Variants in STARD3 observed in about 807,000 individuals in gnomAD.
STARD3 encodes StAR related lipid transfer domain containing 3, also known as stAR-related lipid transfer protein 3.
Under a neutral mutation model 62.0 loss-of-function variants are expected in STARD3, and 39 were observed. The ratio of observed to expected loss-of-function variants is 0.63; its 90% CI spans 0.49 to 0.82. The LOEUF (loss-of-function observed/expected upper bound fraction) is 0.82, where lower values mean the gene tolerates loss of function less well. STARD3 is among the 40% of genes least tolerant of loss of function. The pLI is 0.00. For synonymous variants in STARD3, 229 were observed against 242.4 expected (o/e 0.94, Z 0.51); for missense variants, 543 against 584.5 (o/e 0.93, Z 0.73).
chr17:39,639,789 G>A (rs1380184771), intron 1 of STARD3, among the ~76,000 whole-genome samples: 2 of 152,184 alleles, frequency 1.3e-5, no homozygotes, highest in African/African-American at 4.8e-5. Flanking sequence ...CTTTGGGCTG[G>A]GCCTTCTTTG....
chr17:39,659,340 ACAT>A (rs2057168619), intron 8 of STARD3, 118 bp from the exon 9 acceptor site: 2 of 1,080,354 alleles, frequency 1.9e-6, no homozygotes, highest in Non-Finnish European at 2.7e-6. Flanking sequence ...CCCAGATCCC[ACAT>A]GTGGCTGGGC....
chr17:39,660,138 T>A lies in STARD3; in HGVS notation c.796-73T>A, dbSNP rs1415808934. On this transcript the variant is annotated intron_variant, in intron 9 of 14. Transcript: ENST00000336308. This position sits in a 1 kb window ranked among gnomAD's most constrained non-coding sequence, Gnocchi z 4.8. ...AGCTGTTAAAAACCTGCCCTGCCTG[T>A]CACCCATTTCTGTGCCACCAGCCCA... The A allele has an allele frequency of 1.3e-6, 2 of 1,516,764 alleles. No homozygotes were observed. The highest frequency in any genetic ancestry group is 1.8e-6 in the Non-Finnish European group (2 of 1,092,152). 94.0% of individuals were successfully genotyped at this position (1,516,764 alleles called of 1,614,324 possible). A position where few individuals can be genotyped will look rare whatever the true frequency, so the allele number is the denominator to read the frequency against.
In STARD3 at chr17:39,653,595, C is replaced by T. The variant is rs371019835; in HGVS notation, c.64C>T (p.Leu22=). 3.1e-6 allele frequency: 5 copies of T among 1,612,020 alleles called. No homozygotes were observed. The highest frequency in any genetic ancestry group is 3.3e-5 in the Admixed American group (2 of 60,024). ...GCGCAGCCTGCCTGCCGTGGCCTCC[C>T]TGGGCTCCTCACTGTCCCACAGCCA... ...LERSLPAVAS[L]GSSLSHSQSL... Residue 22 remains leucine, a synonymous_variant, in exon 2 of 15, where the codon CTG becomes TTG. Coordinates refer to ENST00000336308, the MANE Select transcript of STARD3 (RefSeq NM_006804.4).
In STARD3 at chr17:39,660,300, A is replaced by G; in HGVS notation, c.858+27A>G. 3 of 1,613,678 alleles carry G rather than the reference A, an allele frequency of 1.9e-6. No homozygotes were observed. The highest frequency in any genetic ancestry group is 2.5e-6 in the Non-Finnish European group (3 of 1,179,930). ...TGAGTGAGGGGAGCGGGTGTCCTGG[A>G]GCCCCAGACAGCACAGGAGGCTCCA... is the stretch of plus-strand genomic sequence containing the variant. On this transcript the variant is annotated intron_variant, in intron 10 of 14. Coordinates refer to ENST00000336308, the MANE Select transcript of STARD3 (RefSeq NM_006804.4). The surrounding 1 kb of genome is among the most constrained non-coding windows in gnomAD (Gnocchi z 4.8).
intron 1 of STARD3, among the ~76,000 whole-genome samples, chr17:39,647,594 C>G (rs998927257): frequency 6.6e-6 from 1 of 152,132 alleles, no homozygotes; most frequent in Non-Finnish European, 1.5e-5. Context: ...AGTTCCACGC[C>G]ACGGTGGGTT....
intron 1 of STARD3, among the ~76,000 whole-genome samples, chr17:39,648,209 C>A (rs1367196295): frequency 6.6e-6 from 1 of 152,208 alleles, no homozygotes; most frequent in Non-Finnish European, 1.5e-5. Context: ...ATCGCTTGAA[C>A]CCAGGAGGCG....
At chr17:39,658,662 G>A (rs1236782596) in intron 6 of STARD3, 60 bp from the exon 7 acceptor site, 3 of 1,597,194 alleles carry the variant, frequency 1.9e-6, no homozygotes, top group Non-Finnish European at 8.6e-7. Context: ...CTTGGGTGGG[G>A]GTACCCCAGG....
chr17:39,647,368 T>G (rs1011524335), intron 1 of STARD3, among the ~76,000 whole-genome samples: 4 of 152,180 alleles, frequency 2.6e-5, no homozygotes, highest in Admixed American at 2.6e-4. Context: ...CTGAAGGTGC[T>G]TGGGAGAGGC....
intron 4 of STARD3, 21 bp from the exon 5 acceptor site, chr17:39,657,952 C>T: frequency 6.3e-7 from 1 of 1,599,920 alleles, no homozygotes; most frequent in Non-Finnish European, 8.5e-7. Flanking sequence ...CTTCCCCTTC[C>T]TCCCTCCCTC....
At position 39,659,029 on chromosome 17, in the gene STARD3, C is replaced by T. The variant is rs766933456; in HGVS notation, c.647-22C>T. On this transcript the variant is annotated intron_variant, in intron 7 of 14. Transcript: ENST00000336308. Reference sequence around the variant, plus strand: ...CTCTCTCCCCACCCCTTGCCATTGTCATCTGTGCCTGTTTTCTGCAGGGTC... The same window carrying T: ...CTCTCTCCCCACCCCTTGCCATTGTTATCTGTGCCTGTTTTCTGCAGGGTC... 3.1e-6 allele frequency: 5 copies of T among 1,614,120 alleles called. No homozygotes were observed. The South Asian group carries it at 5.5e-5, about 18-fold the overall frequency.
rs373899196 is a variant in STARD3 at position 39,654,967 on chromosome 17, G to A, written c.219+1217G>A. On this transcript the variant is annotated intron_variant, in intron 2 of 14. Coordinates refer to ENST00000336308, the MANE Select transcript of STARD3 (RefSeq NM_006804.4). ...GATGAGCTGGCACCTTCAGTGAGCT[G>A]GAGCCATGGCCATGGATGGCCCTAG... 1.1e-4 allele frequency among the ~76,000 whole-genome samples: 17 copies of A among 152,356 alleles called. No individual in the cohort carries two copies. The East Asian group carries it at 3.3e-3, about 29-fold the overall frequency.
Position 39,660,796 on chromosome 17 carries a change from T to C in STARD3, c.955-14T>C, listed in dbSNP as rs770699660. 8 of 1,567,436 alleles carry C rather than the reference T, an allele frequency of 5.1e-6. No homozygotes were observed. The highest frequency in any genetic ancestry group is 6.9e-6 in the Non-Finnish European group (8 of 1,157,048). On this transcript the variant is annotated splice_polypyrimidine_tract_variant and intron_variant, in intron 11 of 14. Transcript: ENST00000336308. This position sits in a 1 kb window ranked among gnomAD's most constrained non-coding sequence, Gnocchi z 4.8. ...GGGCGACCTGTTCCAAAAGTCTCCG[T>C]TGACGGCCCTCAGATCCTGCAGCGA...
intron 2 of STARD3, among the ~76,000 whole-genome samples, chr17:39,656,594 A>C (rs2145001835): frequency 1.3e-5 from 2 of 150,704 alleles, no homozygotes; most frequent in South Asian, 2.1e-4. Flanking sequence ...CCCACCCCCC[A>C]TCAGCCCAGA....
In STARD3 at chr17:39,658,715, C is replaced by T. The variant is rs199639908; in HGVS notation, c.548-7C>T. The T allele has an allele frequency of 5.6e-6, 9 of 1,613,896 alleles. No individual in the cohort carries two copies. Among genetic ancestry groups the T allele is most frequent in the Non-Finnish European group, 7.6e-6 (9 of 1,179,982 alleles). On this transcript the variant is annotated splice_polypyrimidine_tract_variant and splice_region_variant and intron_variant, in intron 6 of 14. Coordinates refer to ENST00000336308, the MANE Select transcript of STARD3 (RefSeq NM_006804.4). The stretch of plus-strand genomic sequence containing the variant: ...TCCTCGGTCCGGGACCGAGTCTGCT[C>T]CTCCAGGGTATCTTGCCGCCCAGGT...
chr17:39,654,069 G>C (rs1056187042), intron 2 of STARD3, among the ~76,000 whole-genome samples: 3 of 152,216 alleles, frequency 2.0e-5, no homozygotes, highest in Admixed American at 1.3e-4. Flanking sequence ...GAGAGGAGGA[G>C]GGGGAGACCC....
At chr17:39,648,060 C>T (rs992464232) in intron 1 of STARD3, among the ~76,000 whole-genome samples, 4 of 151,636 alleles carry the variant, frequency 2.6e-5, no homozygotes, top group African/African-American at 4.9e-5. Context: ...CTGAGGCGGG[C>T]GGATCACGAG....
intron 1 of STARD3, among the ~76,000 whole-genome samples, chr17:39,646,928 G>A (rs768280132): frequency 1.3e-4 from 19 of 151,944 alleles, no homozygotes; most frequent in Non-Finnish European, 1.9e-4. Context: ...TTTGCCCGGC[G>A]TGGTGGCTCA....
chr17:39,654,067 GA>G (rs1443635951), intron 2 of STARD3, among the ~76,000 whole-genome samples: 1 of 152,216 alleles, frequency 6.6e-6, no homozygotes, highest in African/African-American at 2.4e-5. Flanking sequence ...GAGAGAGGAG[GA>G]GGGGGAGACC....
In STARD3 at chr17:39,644,672, C is replaced by CAAA. The variant is rs3029516; in HGVS notation, c.-52+7455_-52+7457dup. 8.8e-3 allele frequency among the ~76,000 whole-genome samples: 989 copies of CAAA among 112,448 alleles called. 14 individuals are homozygous for CAAA. The highest frequency in any genetic ancestry group is 0.035 in the African/African-American group (928 of 26,164). 73.8% of individuals were successfully genotyped at this position (112,448 alleles called of 152,430 possible). ...GCAACATAGTGAGACCCTGTCTCTACAAAAAAAAAAAAAAAAGAAGAAGAA... is the reference window on the plus strand; with the variant it reads ...GCAACATAGTGAGACCCTGTCTCTACAAAAAAAAAAAAAAAAAAAGAAGAAGAA... On this transcript the variant is annotated intron_variant, in intron 1 of 14. Coordinates refer to ENST00000336308, the MANE Select transcript of STARD3 (RefSeq NM_006804.4).
Sources: allele counts gnomAD v4.1 joint callset (sites outside exome capture counted in the v4.1 genomes callset), GRCh38; gene constraint gnomAD v4.1.1; non-coding constraint Gnocchi (gnomAD v3.1); transcripts MANE v1.5; gene names NCBI Gene and HGNC (gene_info 2026-07-23, HGNC 2026-07-21).